The following TERF2 variants were observed in gnomAD, a reference collection of about 807,000 sequenced individuals.
TERF2 encodes the protein telomeric repeat binding factor 2, also known as telomeric repeat-binding factor 2.
Under a neutral mutation model 56.1 loss-of-function variants are expected in TERF2, and 16 were observed. The ratio of observed to expected loss-of-function variants is 0.29; its 90% CI spans 0.19 to 0.43. TERF2 has a LOEUF of 0.43. Among genes scored for constraint, TERF2 ranks in the 20% least tolerant of loss-of-function variants. The pLI, the probability that TERF2 is intolerant of heterozygous loss-of-function variation, is 1.00. For synonymous variants in TERF2, 296 were observed against 282.1 expected, an observed-to-expected ratio of 1.05 and a Z score of -0.50; for missense variants, 547 against 712.9, an observed-to-expected ratio of 0.77 and a Z score of 2.65.
At position 69,384,589 on chromosome 16, in the gene TERF2, G is replaced by T; in HGVS notation, c.597C>A (p.Val199=). 1.2e-6 allele frequency: 2 copies of T among 1,613,074 alleles called. No homozygotes were observed. The highest frequency in any genetic ancestry group is 2.2e-5 in the South Asian group (2 of 90,826). Residue 199 remains valine (V), a synonymous_variant, in exon 3 of 10, where the codon GTC becomes GTA. Transcript: ENST00000254942. ...EAVVESSRKL[V]KEAAVIICIK... is the part of the protein sequence containing the mutation. The stretch of plus-strand genomic sequence containing the variant: ...AAAAATAGAGCCTTACAGCTTCCTT[G>T]ACCAGTTTTCTACTGGATTCGACCA...
At position 69,370,612 on chromosome 16, in the gene TERF2, G is replaced by A. The variant is rs777688084; in HGVS notation, c.711C>T (p.Leu237=). 1 of 1,611,364 alleles carries A rather than the reference G, an allele frequency of 6.2e-7. No individual in the cohort carries two copies. The highest frequency in any genetic ancestry group is 8.5e-7 in the Non-Finnish European group (1 of 1,179,106). Residue 237 remains leucine (L), a synonymous_variant, in exon 5 of 10, where the codon CTC becomes CTT. Transcript: ENST00000254942. ...DPTTQKLRND[L]LNIIREKNLA... ...AGTTCTTTTCTCGAATAATATTCAGGAGATCATTTCTCAGCTTCTACACAA... is the reference window on the plus strand; with the variant it reads ...AGTTCTTTTCTCGAATAATATTCAGAAGATCATTTCTCAGCTTCTACACAA...
chr16:69,374,906 A>G (rs1197001790), intron 3 of TERF2, among the ~76,000 whole-genome samples: 2 of 151,892 alleles, frequency 1.3e-5, no homozygotes, highest in African/African-American at 4.8e-5. Context: ...CAGAGGTTGC[A>G]GTGAGCCGAG....
At chr16:69,371,831 C>T (rs1354546557) in intron 4 of TERF2, among the ~76,000 whole-genome samples, 1 of 151,816 alleles carries the variant, frequency 6.6e-6, no homozygotes, top group Non-Finnish European at 1.5e-5. Context: ...AATAAATAAA[C>T]AAATGAATAA....
chr16:69,361,527 A>C (rs1354408971), intron 7 of TERF2, 38 bp from the exon 8 acceptor site: 1 of 1,438,318 alleles, frequency 7.0e-7, no homozygotes, highest in Non-Finnish European at 9.8e-7. Context: ...TATAAAACAA[A>C]TTCACCCTGG....
Position 69,356,511 on chromosome 16 carries a change from A to G in TERF2, c.*387T>C, listed in dbSNP as rs918214532. 8 of 271,272 alleles carry G rather than the reference A, an allele frequency of 2.9e-5. No individual in the cohort carries two copies. The highest frequency in any genetic ancestry group is 1.4e-4 in the African/African-American group (6 of 44,326). 16.8% of individuals were successfully genotyped at this position (271,272 alleles called of 1,614,324 possible). ...CATCCCAGCCCAGCTTCTGAAAGAA[A>G]CAGCAGATGCCAGGCGCGGTGGCTC... On this transcript the variant is annotated 3_prime_UTR_variant, in exon 10 of 10. Transcript: ENST00000254942.
At chr16:69,379,546 A>G (rs1231345864) in intron 3 of TERF2, among the ~76,000 whole-genome samples, 2 of 152,248 alleles carry the variant, frequency 1.3e-5, no homozygotes, top group Admixed American at 1.3e-4. Flanking sequence ...AACAGCTTGC[A>G]GAAGCAGGTC....
intron 4 of TERF2, 95 bp from the exon 5 acceptor site, chr16:69,370,724 C>G (rs950886596): frequency 1.0e-5 from 12 of 1,188,198 alleles, no homozygotes; most frequent in Middle Eastern, 2.9e-4. Context: ...AGAACTTCTG[C>G]AATGCCGTCA....
intron 7 of TERF2, chr16:69,366,534 C>T (rs1377957222): frequency 4.7e-6 from 2 of 429,278 alleles, no homozygotes; most frequent in Non-Finnish European, 8.3e-6. Flanking sequence ...CAGATGTTTG[C>T]TAAAAATGAA....
rs550835971 is a variant in TERF2 at position 69,363,058 on chromosome 16, T to C, written c.1341-1569A>G. ...GAGACAAATGGTAGACCTAACTTTC[T>C]CTTGTTTTTACATTGGATCTTATCC... is the stretch of plus-strand genomic sequence containing the variant. On this transcript the variant is annotated intron_variant, in intron 7 of 9. Coordinates refer to ENST00000254942, the MANE Select transcript of TERF2 (RefSeq NM_005652.5). Among the ~76,000 whole-genome samples, 9 of 152,354 alleles carry C rather than the reference T, an allele frequency of 5.9e-5. No individual in the cohort carries two copies. In the South Asian group the frequency reaches 1.9e-3, roughly 32 times the overall value.
intron 3 of TERF2, among the ~76,000 whole-genome samples, chr16:69,380,038 C>T (rs1241375623): frequency 3.9e-5 from 6 of 151,928 alleles, no homozygotes; most frequent in African/African-American, 9.7e-5. Context: ...CTCAGCCTCC[C>T]GAGTAGCTGG....
intron 5 of TERF2, 189 bp downstream of exon 5, chr16:69,370,294 G>T (rs1597250116): frequency 1.3e-6 from 1 of 741,640 alleles, no homozygotes. Context: ...GCCTCCCAAA[G>T]TGCTGGGATT....
intron 7 of TERF2, chr16:69,366,448 G>A (rs931860405): frequency 8.9e-6 from 2 of 225,476 alleles, no homozygotes; most frequent in Admixed American, 1.0e-4. Context: ...TCTTTTTAAG[G>A]GTCAAAGTAT....
intron 8 of TERF2, among the ~76,000 whole-genome samples, chr16:69,358,454 G>A (rs181893211): frequency 3.3e-5 from 5 of 152,232 alleles, no homozygotes; most frequent in East Asian, 1.9e-4. Context: ...CCCCAACATC[G>A]TTTTCTAAAA....
intron 8 of TERF2, among the ~76,000 whole-genome samples, chr16:69,359,174 T>C (rs572245905): frequency 1.3e-5 from 2 of 152,328 alleles, no homozygotes; most frequent in Admixed American, 6.5e-5. Context: ...CACATGACTA[T>C]AGGTGTGTTT....
intron 3 of TERF2, among the ~76,000 whole-genome samples, chr16:69,377,547 C>T (rs1189687831): frequency 1.3e-5 from 2 of 152,104 alleles, no homozygotes; most frequent in Non-Finnish European, 2.9e-5. Context: ...AGGATGGTCT[C>T]GATCTCTTGA....
intron 3 of TERF2, among the ~76,000 whole-genome samples, chr16:69,372,910 C>A (rs2013630559): frequency 6.6e-6 from 1 of 152,052 alleles, no homozygotes; most frequent in African/African-American, 2.4e-5. Context: ...GGATTACAGA[C>A]CATTTAACCA....
At chr16:69,376,098 G>A (rs2013768887) in intron 3 of TERF2, among the ~76,000 whole-genome samples, 2 of 152,036 alleles carry the variant, frequency 1.3e-5, no homozygotes, top group South Asian at 2.1e-4. Flanking sequence ...TTCTTCTTAT[G>A]GATGTTTTTA....
chr16:69,380,797 C>A (rs955531733), intron 3 of TERF2, among the ~76,000 whole-genome samples: 2 of 150,670 alleles, frequency 1.3e-5, no homozygotes, highest in Admixed American at 6.6e-5. Flanking sequence ...TTGACACATT[C>A]ATTAATTTTT....
intron 4 of TERF2, among the ~76,000 whole-genome samples, chr16:69,371,354 A>G (rs1446879965): frequency 6.6e-6 from 1 of 151,670 alleles, no homozygotes; most frequent in Non-Finnish European, 1.5e-5. Flanking sequence ...TTAAAAAATT[A>G]GCCCAGCATG....
Sources: allele counts gnomAD v4.1 joint callset (sites outside exome capture counted in the v4.1 genomes callset), GRCh38; gene constraint gnomAD v4.1.1; transcripts MANE v1.5; gene names NCBI Gene and HGNC (gene_info 2026-07-23, HGNC 2026-07-21).